Variants in OTUD7A observed in about 807,000 individuals in gnomAD.
The protein encoded by OTUD7A is OTU deubiquitinase 7A, also known as OTU domain-containing protein 7A.
OTUD7A carries 12 observed loss-of-function variants against 65.7 expected under a neutral mutation model. The ratio of observed to expected loss-of-function variants is 0.18; its 90% CI spans 0.12 to 0.30. The LOEUF (loss-of-function observed/expected upper bound fraction) is 0.30, where lower values mean the gene tolerates loss of function less well. OTUD7A is among the 10% of genes least tolerant of loss of function. The pLI is 1.00. For missense variants in OTUD7A, 1,148 were observed against 1,304.8 expected (o/e 0.88, Z 1.85); for synonymous variants, 641 against 586.3 (o/e 1.09, Z -1.35).
chr15:31,756,679 CACACACT>C (rs2140898805), intron 1 of OTUD7A, among the ~76,000 whole-genome samples: 1 of 103,300 alleles, frequency 9.7e-6, no homozygotes, highest in African/African-American at 3.5e-5. Flanking sequence ...CACACACACA[CACACACT>C]GCTTTTAGTA....
rs375746068 is a variant in OTUD7A, at chr15:31,526,444, T to G, written c.798A>C (p.Thr266=). Residue 266 remains threonine, a synonymous_variant, in exon 8 of 13, where the codon ACA becomes ACC. Transcript: ENST00000307050. ...QQNKESGLVY[T]EEEWEREWTE... ...TCCACTCCCGCTCCCACTCCTCCTC[T>G]GTGTACACCAGCCCTGACTGGCAGA... is the stretch of plus-strand genomic sequence containing the variant. The G allele has an allele frequency of 4.0e-5, 64 of 1,599,624 alleles. No homozygotes were observed. The highest frequency in any genetic ancestry group is 4.9e-5 in the Non-Finnish European group (58 of 1,178,200).
Position 31,501,955 on chromosome 15 carries a change from A to G in OTUD7A, c.1022-116T>C, listed in dbSNP as rs1233146851. The G allele has an allele frequency of 5.8e-6, 7 of 1,197,232 alleles. No individual in the cohort carries two copies. In the East Asian group the frequency reaches 1.7e-4, roughly 29 times the overall value. 74.2% of individuals were successfully genotyped at this position (1,197,232 alleles called of 1,614,324 possible). ...GGGGACTCCGTGGAGAAGCGGAGGGACAGGAGGGGTGGATGGAGGCGGTGC... is the reference window on the plus strand; with the variant it reads ...GGGGACTCCGTGGAGAAGCGGAGGGGCAGGAGGGGTGGATGGAGGCGGTGC... On this transcript the variant is annotated intron_variant, in intron 9 of 12. Coordinates refer to ENST00000307050, the MANE Select transcript of OTUD7A (RefSeq NM_001382637.1).
chr15:31,636,993 T>A (rs71474674), intron 3 of OTUD7A, among the ~76,000 whole-genome samples: 1 of 152,196 alleles, frequency 6.6e-6, no homozygotes, highest in African/African-American at 2.4e-5. Context: ...TTCATGTTAT[T>A]GCACTGGGGA....
Position 31,793,592 on chromosome 15 carries a change from G to A in OTUD7A, c.-100+76915C>T, listed in dbSNP as rs367573879. 1.3e-4 allele frequency among the ~76,000 whole-genome samples: 20 copies of A among 152,324 alleles called. 1 individual carries two copies. Among genetic ancestry groups the A allele is most frequent in the African/African-American group, 4.3e-4 (18 of 41,568 alleles). On this transcript the variant is annotated intron_variant, in intron 1 of 12. Transcript: ENST00000307050. ...TAAATTACAATACTGGAAGGGGTAC[G>A]AAGGTGCCATTTTCTTAAGTCCTCC...
intron 1 of OTUD7A, among the ~76,000 whole-genome samples, chr15:31,688,653 T>C (rs1404805596): frequency 6.6e-6 from 1 of 152,218 alleles, no homozygotes; most frequent in African/African-American, 2.4e-5. Context: ...TATACTTTTG[T>C]AGAAGGTAGC....
intron 1 of OTUD7A, among the ~76,000 whole-genome samples, chr15:31,811,844 T>C (rs1896425540): frequency 6.6e-6 from 1 of 152,178 alleles, no homozygotes; most frequent in Non-Finnish European, 1.5e-5. Flanking sequence ...GCAACCTGCT[T>C]TTTCCTATCA....
At chr15:31,821,094 C>A (rs1466031803) in intron 1 of OTUD7A, among the ~76,000 whole-genome samples, 13 of 151,222 alleles carry the variant, frequency 8.6e-5, no homozygotes, top group Admixed American at 5.3e-4. Flanking sequence ...AACATATTTT[C>A]CAGGGTCAAT....
chr15:31,486,553 A>T (rs574865844), intron 12 of OTUD7A, among the ~76,000 whole-genome samples: 1 of 152,254 alleles, frequency 6.6e-6, no homozygotes, highest in Admixed American at 6.5e-5. Context: ...AAAAAACATC[A>T]ATCAGTCAGA....
intron 5 of OTUD7A, among the ~76,000 whole-genome samples, chr15:31,533,556 G>A (rs1221872016): frequency 6.6e-6 from 1 of 152,138 alleles, no homozygotes; most frequent in Non-Finnish European, 1.5e-5. Context: ...TTTTTTAAGT[G>A]CTGAAAGAAA....
At chr15:31,855,586 T>C (rs1897549630) in intron 1 of OTUD7A, among the ~76,000 whole-genome samples, 1 of 152,266 alleles carries the variant, frequency 6.6e-6, no homozygotes, top group East Asian at 1.9e-4. Context: ...CTGGAATCTA[T>C]TTAAACAGAG....
chr15:31,680,169 A>G (rs899603694), intron 1 of OTUD7A, among the ~76,000 whole-genome samples: 3 of 152,216 alleles, frequency 2.0e-5, no homozygotes, highest in African/African-American at 7.2e-5. Context: ...AGTTTTTAAC[A>G]TTGCTAGTAG....
intron 1 of OTUD7A, among the ~76,000 whole-genome samples, chr15:31,679,314 A>G (rs183109283): frequency 6.6e-6 from 1 of 152,344 alleles, no homozygotes; most frequent in East Asian, 1.9e-4. Context: ...GAATAAGTTA[A>G]GACTTTGGGG....
chr15:31,541,589 T>G (rs891416200), intron 5 of OTUD7A, among the ~76,000 whole-genome samples: 5 of 152,188 alleles, frequency 3.3e-5, no homozygotes, highest in African/African-American at 1.2e-4. Context: ...TAAAAATACT[T>G]ATTTTCAATA....
intron 1 of OTUD7A, among the ~76,000 whole-genome samples, chr15:31,805,491 C>T (rs954863618): frequency 6.6e-5 from 10 of 152,350 alleles, no homozygotes; most frequent in African/African-American, 2.4e-4. Context: ...AAGATAACTT[C>T]CCTGTCTGCA....
intron 1 of OTUD7A, among the ~76,000 whole-genome samples, chr15:31,854,498 A>C (rs1897516126): frequency 6.6e-6 from 1 of 152,158 alleles, no homozygotes; most frequent in Admixed American, 6.5e-5. Context: ...CATATGCTTC[A>C]GCTCTTGGTC....
At chr15:31,753,708 A>ATATATATAT (rs1894718437) in intron 1 of OTUD7A, among the ~76,000 whole-genome samples, 1 of 110,486 alleles carries the variant, frequency 9.1e-6, no homozygotes, top group African/African-American at 5.0e-5. Flanking sequence ...TATATTATAT[A>ATATATATAT]TATATATATA....
chr15:31,772,007 C>A (rs1895247645), intron 1 of OTUD7A, among the ~76,000 whole-genome samples: 1 of 152,052 alleles, frequency 6.6e-6, no homozygotes, highest in Non-Finnish European at 1.5e-5. Context: ...AATCCCAGCA[C>A]TTTGGGAGGC....
chr15:31,742,763 T>G (rs1393543280), intron 1 of OTUD7A, among the ~76,000 whole-genome samples: 2 of 152,010 alleles, frequency 1.3e-5, no homozygotes, highest in Non-Finnish European at 2.9e-5. Context: ...GTAGCGCGAA[T>G]GAAAAGGGGT....
intron 8 of OTUD7A, among the ~76,000 whole-genome samples, chr15:31,514,141 A>G (rs2041807732): frequency 6.7e-6 from 1 of 149,988 alleles, no homozygotes; most frequent in African/African-American, 2.5e-5. Flanking sequence ...GCAGCCTCGA[A>G]CTCCTGGGGT....
Sources: gnomAD v4.1 joint callset for allele counts (sites outside exome capture counted in the v4.1 genomes callset) on GRCh38, gnomAD v4.1.1 for gene constraint, MANE v1.5 for transcripts, NCBI Gene and HGNC (gene_info 2026-07-23, HGNC 2026-07-21) for gene names.